Variants in SF3B2 observed in about 807,000 individuals in gnomAD.
SF3B2 encodes the protein splicing factor 3b subunit 2.
SF3B2 carries 22 observed loss-of-function variants against 116.3 expected under a neutral mutation model. That is an observed-to-expected ratio of 0.19 (90% CI 0.14 to 0.27). The LOEUF is 0.27. SF3B2 is among the 10% of genes least tolerant of loss of function. SF3B2 has a pLI of 1.00. For synonymous variants in SF3B2, 406 were observed against 421.6 expected (o/e 0.96, Z 0.45); for missense variants, 767 against 1,151.4 (o/e 0.67, Z 4.83).
At chr11:66,062,773 T>C (rs1857120378) in intron 16 of SF3B2, among the ~76,000 whole-genome samples, 2 of 152,224 alleles carry the variant, frequency 1.3e-5, no homozygotes, top group African/African-American at 4.8e-5. Flanking sequence ...GACTCTGCCA[T>C]GACAGAAGTT....
chr11:66,062,253 A>G (rs918613212), intron 16 of SF3B2, among the ~76,000 whole-genome samples: 1 of 152,214 alleles, frequency 6.6e-6, no homozygotes, highest in Admixed American at 6.5e-5. Context: ...AGCAAGTCAC[A>G]ATTTTACCAC....
intron 5 of SF3B2, among the ~76,000 whole-genome samples, chr11:66,056,122 C>T (rs1030383867): frequency 1.3e-5 from 2 of 152,166 alleles, no homozygotes; most frequent in African/African-American, 4.8e-5. Flanking sequence ...CAAGTATGAG[C>T]TGGGTGCCGT....
chr11:66,068,166 C>T lies in SF3B2; in HGVS notation c.2449C>T (p.Pro817Ser). Residue 817 changes from proline to serine, a missense_variant, in exon 21 of 22, where the codon CCG (proline) becomes TCG (serine). Around this residue, in one of 4 missense-constraint regions of SF3B2, gnomAD observed 282 missense variants for 568.0 expected, o/e 0.50. Coordinates refer to ENST00000322535, the MANE Select transcript of SF3B2 (RefSeq NM_006842.3). ...TTTCCAGGTTATGAGCCGGAAGGGCCCGGCTCCTGAGCTGCAAGGTGTGGA... is the reference window on the plus strand; with the variant it reads ...TTTCCAGGTTATGAGCCGGAAGGGCTCGGCTCCTGAGCTGCAAGGTGTGGA... ...DMSTVMSRKG[P>S]APELQGVEVA... 3 of 1,614,200 alleles carry T rather than the reference C, an allele frequency of 1.9e-6. No homozygotes were observed. Among genetic ancestry groups the T allele is most frequent in the Middle Eastern group, 1.7e-4 (1 of 6,060 alleles).
chr11:66,054,695 C>T (rs1856961656), intron 3 of SF3B2, among the ~76,000 whole-genome samples: 1 of 152,174 alleles, frequency 6.6e-6, no homozygotes, highest in Non-Finnish European at 1.5e-5. Context: ...TGTAAGTCCT[C>T]TCAATTTCCA....
intron 1 of SF3B2, 26 bp from the exon 2 acceptor site, chr11:66,052,647 C>A: frequency 6.3e-7 from 1 of 1,597,868 alleles, no homozygotes; most frequent in South Asian, 1.1e-5. Context: ...TGGCCTGCCC[C>A]ATTGATCGTG....
In SF3B2 at chr11:66,059,041, T is replaced by C; in HGVS notation, c.1178T>C (p.Phe393Ser). The change falls in exon 10 of 22, where the codon TTT (phenylalanine) becomes TCT (serine). Residue 393 changes from phenylalanine to serine, a missense_variant. Around this residue, in one of 4 missense-constraint regions of SF3B2, gnomAD observed 455 missense variants for 537.5 expected, o/e 0.85. Coordinates refer to ENST00000322535, the MANE Select transcript of SF3B2 (RefSeq NM_006842.3). The surrounding 1 kb of genome is among the most constrained non-coding windows in gnomAD (Gnocchi z 5.0). ...TTCTTTAAGAGGATCTTTGAGGCTT[T>C]TAAGGTACAAGGAGAGCACACTAGG... ...FIFFKRIFEA[F>S]KLTDDVKKEK... 1 of 1,613,882 alleles carries C rather than the reference T, an allele frequency of 6.2e-7. No homozygotes were observed. The highest frequency in any genetic ancestry group is 1.1e-5 in the South Asian group (1 of 91,060).
At position 66,059,774 on chromosome 11, in the gene SF3B2, T is replaced by A; in HGVS notation, c.1402-8T>A. 1 of 1,614,096 alleles carries A rather than the reference T, an allele frequency of 6.2e-7. No homozygotes were observed. The highest frequency in any genetic ancestry group is 8.5e-7 in the Non-Finnish European group (1 of 1,179,988). ...TCTCGAGAACACGCATTACTATGTG[T>A]TTTCCAGCTGGTGGCTCGGCCCGAT... On this transcript the variant is annotated splice_region_variant and splice_polypyrimidine_tract_variant and intron_variant, in intron 12 of 21. Transcript: ENST00000322535. The surrounding 1 kb of genome is among the most constrained non-coding windows in gnomAD (Gnocchi z 5.0).
chr11:66,063,224 C>G (rs1282217489), intron 17 of SF3B2, 108 bp downstream of exon 17: 14 of 1,030,694 alleles, frequency 1.4e-5, no homozygotes, highest in Middle Eastern at 2.1e-4. Flanking sequence ...ACAGCAGAGC[C>G]TGGAAAAGGG....
chr11:66,053,963 C>A (rs976890177), intron 3 of SF3B2: 1 of 144,420 alleles, frequency 6.9e-6, no homozygotes, highest in Non-Finnish European at 1.5e-5. Context: ...GCAGGTGGAT[C>A]GCCTGCGGTC....
Position 66,068,942 on chromosome 11 carries a change from T to TAA in SF3B2, c.*197_*198insAA. 1 of 557,230 alleles carries TAA rather than the reference T, an allele frequency of 1.8e-6. No individual in the cohort carries two copies. The highest frequency in any genetic ancestry group is 2.2e-5 in the South Asian group (1 of 44,918). 34.5% of individuals were successfully genotyped at this position (557,230 alleles called of 1,614,324 possible). ...GCCTCCCTCATCTCCTTTTAGCCCC[T>TAA]TCTTGCAAAAGGACTAAAATAGTCT... On this transcript the variant is annotated 3_prime_UTR_variant, in exon 22 of 22. Transcript: ENST00000322535.
rs1055952077 is a variant in SF3B2, at chr11:66,059,025, A to C, written c.1162A>C (p.Arg388=). 18 of 1,613,994 alleles carry C rather than the reference A, an allele frequency of 1.1e-5. No homozygotes were observed. Among genetic ancestry groups the C allele is most frequent in the Non-Finnish European group, 1.5e-5 (18 of 1,179,972 alleles). ...IYEPNFIFFK[R]IFEAFKLTDD... ...CGAGCCCAACTTTATCTTCTTTAAGAGGATCTTTGAGGCTTTTAAGGTACA... is the reference window on the plus strand; with the variant it reads ...CGAGCCCAACTTTATCTTCTTTAAGCGGATCTTTGAGGCTTTTAAGGTACA... Residue 388 remains arginine (R), a synonymous_variant, in exon 10 of 22, where the codon AGG becomes CGG. Coordinates refer to ENST00000322535, the MANE Select transcript of SF3B2 (RefSeq NM_006842.3). This position sits in a 1 kb window ranked among gnomAD's most constrained non-coding sequence, Gnocchi z 5.0.
rs1043725078 is a variant in SF3B2, at chr11:66,055,255, G to T, written c.438G>T (p.Arg146=). 2 of 1,613,926 alleles carry T rather than the reference G, an allele frequency of 1.2e-6. No homozygotes were observed. Among genetic ancestry groups the T allele is most frequent in the Middle Eastern group, 1.7e-4 (1 of 5,962 alleles). The change falls in exon 4 of 22, where the codon CGG becomes CGT. Residue 146 remains arginine, a synonymous_variant. Coordinates refer to ENST00000322535, the MANE Select transcript of SF3B2 (RefSeq NM_006842.3). ...CAGTGGCACTGTCAGAGGAGGAGCG[G>T]CTGAAGTTGGCTCAGCAGCAGGCGG... The part of the protein sequence containing the change: ...GEPVALSEEE[R]LKLAQQQAAL...
At chr11:66,057,096 T>G in intron 6 of SF3B2, 141 bp downstream of exon 6, 1 of 840,408 alleles carries the variant, frequency 1.2e-6, no homozygotes, top group Non-Finnish European at 2.0e-6. Context: ...TGAACACACC[T>G]GTACAACCAG....
chr11:66,052,708 T>C lies in SF3B2; in HGVS notation c.169T>C (p.Tyr57His). ...GGAGCTGGTGGAGCGGCTGCAGAGC[T>C]ACACCCGCCAGGTAGGTGTTGGCGG... Reference protein sequence around the residue: ...REELVERLQSYTRQTGIVLNR... With the variant: ...REELVERLQSHTRQTGIVLNR... The change falls in exon 2 of 22, where the codon TAC (tyrosine) becomes CAC (histidine). Residue 57 changes from tyrosine (Y) to histidine (H), a missense_variant. Transcript: ENST00000322535. 1 of 1,577,360 alleles carries C rather than the reference T, an allele frequency of 6.3e-7. No individual in the cohort carries two copies. The highest frequency in any genetic ancestry group is 1.2e-5 in the South Asian group (1 of 85,272).
At chr11:66,067,330 T>C in intron 19 of SF3B2, 1 of 445,782 alleles carries the variant, frequency 2.2e-6, no homozygotes, top group South Asian at 1.6e-5. Flanking sequence ...CCTCAGAGGG[T>C]TTTGAGCAAA....
In SF3B2 at chr11:66,059,062, C is replaced by T. The variant is rs1857055846; in HGVS notation, c.1182+17C>T. ...GCTTTTAAGGTACAAGGAGAGCACA[C>T]TAGGAAGGGGCAGTGCCAAACAGGG... On this transcript the variant is annotated intron_variant, in intron 10 of 21. Coordinates refer to ENST00000322535, the MANE Select transcript of SF3B2 (RefSeq NM_006842.3). This position sits in a 1 kb window ranked among gnomAD's most constrained non-coding sequence, Gnocchi z 5.0. 1 of 1,612,028 alleles carries T rather than the reference C, an allele frequency of 6.2e-7. No homozygotes were observed. The highest frequency in any genetic ancestry group is 8.5e-7 in the Non-Finnish European group (1 of 1,178,380).
chr11:66,055,121 C>A lies in SF3B2; in HGVS notation c.304C>A (p.Leu102Met), dbSNP rs1286411654. The A allele has an allele frequency of 6.4e-7, 1 of 1,562,580 alleles. No individual in the cohort carries two copies. Among genetic ancestry groups the A allele is most frequent in the Admixed American group, 1.8e-5 (1 of 54,644 alleles). Residue 102 changes from leucine (L) to methionine (M), a missense_variant, in exon 4 of 22, where the codon CTG becomes ATG. Around this residue, in one of 4 missense-constraint regions of SF3B2, gnomAD observed 455 missense variants for 537.5 expected, o/e 0.85. Transcript: ENST00000322535. ...MPPPPLGLPP[L>M]QPPPPPPPPP... ...ACCACCACCTTTGGGACTCCCCCCT[C>A]TGCAGCCTCCTCCGCCACCCCCACC... is the stretch of plus-strand genomic sequence containing the variant.
In SF3B2 at chr11:66,058,759, G is replaced by T. The variant is rs1857046826; in HGVS notation, c.967-71G>T. The T allele has an allele frequency of 5.5e-6, 7 of 1,276,066 alleles. No homozygotes were observed. In the Admixed American group the frequency reaches 8.5e-5, roughly 15 times the overall value. 79.0% of individuals were successfully genotyped at this position (1,276,066 alleles called of 1,614,324 possible). On this transcript the variant is annotated intron_variant, in intron 9 of 21. Coordinates refer to ENST00000322535, the MANE Select transcript of SF3B2 (RefSeq NM_006842.3). ...TGAACTGTGGGGGAGAATGGGGGAG[G>T]AGTTTAGGGGTTGGGGTGCTGGCAC...
intron 19 of SF3B2, chr11:66,067,589 G>A: frequency 2.1e-6 from 1 of 467,152 alleles, no homozygotes. Context: ...ACATTCTTCG[G>A]GTGGGAACTG....
Sources: allele counts gnomAD v4.1 joint callset (sites outside exome capture counted in the v4.1 genomes callset), GRCh38; gene constraint gnomAD v4.1.1; regional missense constraint gnomAD v4.1.1; non-coding constraint Gnocchi (gnomAD v3.1); transcripts MANE v1.5; gene names NCBI Gene and HGNC (gene_info 2026-07-23, HGNC 2026-07-21).